Variants in RBFOX1 observed in about 807,000 individuals in gnomAD.
RBFOX1 encodes RNA binding fox-1 homolog 1, also known as RNA binding protein fox-1 homolog 1.
RBFOX1 carries 8 observed loss-of-function variants against 57.7 expected under a neutral mutation model. The observed-to-expected ratio is 0.14, with a 90% CI of 0.08 to 0.25. The LOEUF is 0.25. Ranked by LOEUF, RBFOX1 falls within the 10% of genes least tolerant of loss-of-function variation. The pLI, the probability that RBFOX1 is intolerant of heterozygous loss-of-function variation, is 1.00. For synonymous variants in RBFOX1, 326 were observed against 222.4 expected (o/e 1.47, Z -4.15); for missense variants, 611 against 548.5 (o/e 1.11, Z -1.14).
intron 3 of RBFOX1, among the ~76,000 whole-genome samples, chr16:6,977,404 C>T (rs188841856): frequency 1.1e-4 from 16 of 152,186 alleles, no homozygotes; most frequent in Non-Finnish European, 1.9e-4. Flanking sequence ...AAGTCTGGTT[C>T]TGTTTAGCAA....
chr16:7,168,463 G>A (rs1403987108), intron 4 of RBFOX1, among the ~76,000 whole-genome samples: 6 of 152,150 alleles, frequency 3.9e-5, no homozygotes, highest in African/African-American at 1.4e-4. Flanking sequence ...TCATTGGCGA[G>A]CTCAAAGAGG....
At chr16:5,978,234 C>T (rs2060106316) in intron 4 of RBFOX1, among the ~76,000 whole-genome samples, 1 of 149,594 alleles carries the variant, frequency 6.7e-6, no homozygotes, top group Non-Finnish European at 1.5e-5. Context: ...GGATCACTTG[C>T]ACCCTGGAAT....
At chr16:6,376,469 C>T (rs1433156786) in intron 2 of RBFOX1, among the ~76,000 whole-genome samples, 1 of 152,148 alleles carries the variant, frequency 6.6e-6, no homozygotes, top group East Asian at 1.9e-4. Context: ...TCCTTCGTTG[C>T]CTTTTCCAGT....
At chr16:5,256,428 A>G (rs2062592516) in intron 1 of RBFOX1, among the ~76,000 whole-genome samples, 1 of 152,200 alleles carries the variant, frequency 6.6e-6, no homozygotes, top group Non-Finnish European at 1.5e-5. Flanking sequence ...GTGTGTCTGC[A>G]AAGCCTCTGC....
chr16:5,702,855 T>A (rs1596837940), intron 3 of RBFOX1, among the ~76,000 whole-genome samples: 1 of 152,322 alleles, frequency 6.6e-6, no homozygotes, highest in Non-Finnish European at 1.5e-5. Context: ...ACACCCTCTA[T>A]GCCCATATGA....
At chr16:7,377,905 A>T (rs1052575817) in intron 4 of RBFOX1, among the ~76,000 whole-genome samples, 1 of 152,170 alleles carries the variant, frequency 6.6e-6, no homozygotes, top group African/African-American at 2.4e-5. Flanking sequence ...TAGTTTGGAG[A>T]CTCAGAGAAG....
chr16:7,707,917 C>G (rs975281738), intron 14 of RBFOX1, among the ~76,000 whole-genome samples: 4 of 152,162 alleles, frequency 2.6e-5, no homozygotes, highest in Non-Finnish European at 5.9e-5. Context: ...TATCAGCTTT[C>G]AAGGAAGGAC....
chr16:6,634,811 A>C (rs1480516572), intron 2 of RBFOX1, among the ~76,000 whole-genome samples: 1 of 140,252 alleles, frequency 7.1e-6, no homozygotes, highest in Non-Finnish European at 1.5e-5. Context: ...TTTGTATTAT[A>C]TATAATACAA....
chr16:7,207,858 A>G (rs1003657985), intron 4 of RBFOX1, among the ~76,000 whole-genome samples: 18 of 152,302 alleles, frequency 1.2e-4, no homozygotes, highest in African/African-American at 4.3e-4. Context: ...TTTATTCAGG[A>G]GAGAGAGCTA....
intron 4 of RBFOX1, among the ~76,000 whole-genome samples, chr16:7,417,203 C>G (rs1041909652): frequency 2.0e-5 from 3 of 151,814 alleles, no homozygotes; most frequent in African/African-American, 7.3e-5. Flanking sequence ...AACCCCATCT[C>G]TACTAAAAAT....
At chr16:7,090,244 ATAT>A (rs1389543931) in intron 4 of RBFOX1, among the ~76,000 whole-genome samples, 1 of 152,218 alleles carries the variant, frequency 6.6e-6, no homozygotes, top group East Asian at 1.9e-4. Flanking sequence ...AATAGAATCC[ATAT>A]TCAGTTTACT....
At position 5,947,610 on chromosome 16, in the gene RBFOX1, A is replaced by G. The variant is rs981988764; in HGVS notation, c.351+80275A>G. On this transcript the variant is annotated intron_variant, in intron 4 of 19. Coordinates refer to the RBFOX1 transcript ENST00000641259. This position sits in a 1 kb window ranked among gnomAD's most constrained non-coding sequence, Gnocchi z 7.2. ...AGTGCTGGGATTACATGCATGATCC[A>G]CCATGTCTTGACCCTTCGATTTTAG... 2.6e-5 allele frequency among the ~76,000 whole-genome samples: 4 copies of G among 152,214 alleles called. No individual in the cohort carries two copies. The highest frequency in any genetic ancestry group is 9.7e-5 in the African/African-American group (4 of 41,450).
At chr16:7,124,838 A>G (rs913829530) in intron 4 of RBFOX1, among the ~76,000 whole-genome samples, 7 of 152,004 alleles carry the variant, frequency 4.6e-5, no homozygotes, top group Non-Finnish European at 7.4e-5. Context: ...CTACTGTATG[A>G]CTCTGATTCA....
chr16:6,555,612 A>G (rs887254949), intron 2 of RBFOX1, among the ~76,000 whole-genome samples: 5 of 152,102 alleles, frequency 3.3e-5, no homozygotes, highest in Non-Finnish European at 7.4e-5. Context: ...AGGCAGGAGA[A>G]TGGCGTGAAT....
intron 3 of RBFOX1, among the ~76,000 whole-genome samples, chr16:6,814,597 C>T (rs978152613): frequency 6.6e-6 from 1 of 152,052 alleles, no homozygotes; most frequent in Non-Finnish European, 1.5e-5. Context: ...CACAGAGATT[C>T]TCAAGTAAAT....
At chr16:7,588,747 C>T (rs368422599) in intron 7 of RBFOX1, among the ~76,000 whole-genome samples, 1 of 152,282 alleles carries the variant, frequency 6.6e-6, no homozygotes, top group South Asian at 2.1e-4. Flanking sequence ...GTATAACCAT[C>T]TTTCCCCCAT....
At chr16:7,416,199 T>A (rs2098476153) in intron 4 of RBFOX1, among the ~76,000 whole-genome samples, 1 of 152,130 alleles carries the variant, frequency 6.6e-6, no homozygotes, top group South Asian at 2.1e-4. Context: ...AAGTGACAGA[T>A]TCAATAAAAG....
At chr16:5,805,698 T>C (rs984274045) in intron 3 of RBFOX1, among the ~76,000 whole-genome samples, 3 of 152,140 alleles carry the variant, frequency 2.0e-5, no homozygotes, top group African/African-American at 7.2e-5. Context: ...CAGAGGGCTA[T>C]AGGAAGGGTT....
chr16:7,108,707 A>G (rs1269119285), intron 4 of RBFOX1, among the ~76,000 whole-genome samples: 1 of 152,022 alleles, frequency 6.6e-6, no homozygotes, highest in African/African-American at 2.4e-5. Flanking sequence ...AAGTGTCCAT[A>G]CTCTTTGATC....
Sources: allele counts gnomAD v4.1 joint callset (sites outside exome capture counted in the v4.1 genomes callset), GRCh38; gene constraint gnomAD v4.1.1; non-coding constraint Gnocchi (gnomAD v3.1); transcripts MANE v1.5; gene names NCBI Gene and HGNC (gene_info 2026-07-23, HGNC 2026-07-21).